Variants in C3orf33 observed in about 807,000 individuals in gnomAD.
C3orf33 encodes AP-1 activity suppressor.
C3orf33 carries 23 observed loss-of-function variants against 28.7 expected under a neutral mutation model. The ratio of observed to expected loss-of-function variants is 0.80; its 90% CI spans 0.58 to 1.13. The LOEUF (loss-of-function observed/expected upper bound fraction) is 1.13, where lower values mean the gene tolerates loss of function less well. Ranked by LOEUF, C3orf33 falls within the 50% of genes most tolerant of loss-of-function variation. The probability of loss-of-function intolerance (pLI) is 0.00; values close to 1 mark genes in which losing one functional copy is unlikely to be tolerated. For missense variants in C3orf33, 327 were observed against 353.4 expected, an observed-to-expected ratio of 0.93 and a Z score of 0.60; for synonymous variants, 119 against 120.5, an observed-to-expected ratio of 0.99 and a Z score of 0.08.
At chr3:155,787,393 AG>A (rs1751154914) in intron 2 of C3orf33, among the ~76,000 whole-genome samples, 1 of 133,922 alleles carries the variant, frequency 7.5e-6, no homozygotes, top group African/African-American at 2.8e-5. Context: ...TCTGTCACCC[AG>A]GCTGGAGTGC....
intron 3 of C3orf33, among the ~76,000 whole-genome samples, chr3:155,770,416 A>G (rs79289972): frequency 0.016 from 2,425 of 152,336 alleles, 29 homozygotes; most frequent in South Asian, 0.04. Context: ...AGCCAAAAAA[A>G]TCCTGTGTCA....
chr3:155,766,727 T>G (rs1466936557), intron 4 of C3orf33, among the ~76,000 whole-genome samples: 1 of 152,206 alleles, frequency 6.6e-6, no homozygotes, highest in Non-Finnish European at 1.5e-5. Context: ...GGCAGGCAGA[T>G]CACCTGAGGT....
Position 155,763,639 on chromosome 3 carries a change from C to T in C3orf33, c.763G>A (p.Glu255Lys), listed in dbSNP as rs779145276. The T allele has an allele frequency of 1.3e-6, 2 of 1,595,290 alleles. No individual in the cohort carries two copies. The highest frequency in any genetic ancestry group is 2.2e-5 in the East Asian group (1 of 44,528). Residue 255 changes from glutamate to lysine, a missense_variant, in exon 5 of 5, where the codon GAA (glutamate) becomes AAA (lysine). By Grantham distance (56) the Glu-to-Lys change is moderately conservative. Transcript: ENST00000340171. ...CTTTTAAGTTTTTCATAATAACTTT[C>T]TTTTTTCAAGCTGAAATCTGATCCT... ...TTGSDFSLKK[E>K]SYYEKLKRTY...
chr3:155,781,534 C>T (rs1372161407), intron 2 of C3orf33, among the ~76,000 whole-genome samples: 2 of 151,936 alleles, frequency 1.3e-5, no homozygotes, highest in African/African-American at 2.4e-5. Context: ...CTTTGGGAGG[C>T]CAAGGCAGGC....
intron 2 of C3orf33, among the ~76,000 whole-genome samples, chr3:155,778,599 A>G (rs1750824884): frequency 6.6e-6 from 1 of 152,222 alleles, no homozygotes; most frequent in African/African-American, 2.4e-5. Context: ...TATTCACTCA[A>G]GAATGTGAAA....
chr3:155,772,110 C>T (rs557710651), intron 3 of C3orf33, among the ~76,000 whole-genome samples: 1 of 152,268 alleles, frequency 6.6e-6, no homozygotes, highest in South Asian at 2.1e-4. Context: ...GAGGCTGAGG[C>T]AAGAGGATAG....
chr3:155,793,809 C>CAAAAAAAA (rs1176317323), intron 2 of C3orf33, among the ~76,000 whole-genome samples: 1 of 37,466 alleles, frequency 2.7e-5, no homozygotes, highest in African/African-American at 7.2e-5. Context: ...GACTCTGACT[C>CAAAAAAAA]AAAAAAAAAA....
intron 2 of C3orf33, among the ~76,000 whole-genome samples, chr3:155,782,842 A>G (rs1006895797): frequency 1.3e-5 from 2 of 152,224 alleles, no homozygotes; most frequent in Non-Finnish European, 1.5e-5. Context: ...ATGAGCAATT[A>G]TAAACACTAA....
rs796325486 is a variant in C3orf33, at chr3:155,769,321, A to C, written c.323-1652T>G. Reference sequence around the variant, plus strand: ...GAGCAAAACTCCCTCTCAAAAAAAAAAAAAAAAAATACAAAAATTAGCTGG... The same window carrying C: ...GAGCAAAACTCCCTCTCAAAAAAAACAAAAAAAAATACAAAAATTAGCTGG... On this transcript the variant is annotated intron_variant, in intron 3 of 4. Transcript: ENST00000340171. 7.2e-3 allele frequency among the ~76,000 whole-genome samples: 1,089 copies of C among 151,494 alleles called. 12 individuals carry two copies. Among genetic ancestry groups the C allele is most frequent in the African/African-American group, 0.022 (902 of 41,324 alleles).
intron 2 of C3orf33, among the ~76,000 whole-genome samples, chr3:155,801,149 C>T (rs952969436): frequency 6.6e-6 from 1 of 151,910 alleles, no homozygotes; most frequent in South Asian, 2.1e-4. Context: ...CCTGTCTCTA[C>T]CAAAAATACA....
At chr3:155,765,676 T>C (rs1023354050) in intron 4 of C3orf33, among the ~76,000 whole-genome samples, 2 of 152,116 alleles carry the variant, frequency 1.3e-5, no homozygotes, top group African/African-American at 4.8e-5. Flanking sequence ...ACCTCCTGAG[T>C]AGCTGGGATT....
chr3:155,763,232 T>G lies in C3orf33; in HGVS notation c.*285A>C, dbSNP rs1577406841. On this transcript the variant is annotated 3_prime_UTR_variant, in exon 5 of 5. Coordinates refer to ENST00000340171, the MANE Select transcript of C3orf33 (RefSeq NM_001308229.2). ...TAAAAACAACATAGTGGGTGAAGAGTTAAACTTTCTCTTCACACATTAGCA... is the reference window on the plus strand; with the variant it reads ...TAAAAACAACATAGTGGGTGAAGAGGTAAACTTTCTCTTCACACATTAGCA... 1 of 221,880 alleles carries G rather than the reference T, an allele frequency of 4.5e-6. No individual in the cohort carries two copies. The highest frequency in any genetic ancestry group is 8.7e-6 in the Non-Finnish European group (1 of 115,278). 13.7% of individuals were successfully genotyped at this position (221,880 alleles called of 1,614,324 possible). A position where few individuals can be genotyped will look rare whatever the true frequency, so the allele number is the denominator to read the frequency against.
chr3:155,781,771 A>G (rs1750932236), intron 2 of C3orf33, among the ~76,000 whole-genome samples: 2 of 143,348 alleles, frequency 1.4e-5, no homozygotes, highest in African/African-American at 5.2e-5. Flanking sequence ...TCTATCTCAA[A>G]AAAAAAAAAA....
At chr3:155,805,623 G>A (rs899405809) in intron 1 of C3orf33, 11 of 454,436 alleles carry the variant, frequency 2.4e-5, no homozygotes, top group Non-Finnish European at 4.4e-5. Flanking sequence ...TCGGGAGGCT[G>A]AAGTGGGAGG....
At chr3:155,801,495 G>C (rs567870771) in intron 2 of C3orf33, among the ~76,000 whole-genome samples, 1 of 152,168 alleles carries the variant, frequency 6.6e-6, no homozygotes, top group East Asian at 1.9e-4. Context: ...CAAATGAACA[G>C]AAAAGCAAAA....
chr3:155,787,632 G>T (rs1372455607), intron 2 of C3orf33, among the ~76,000 whole-genome samples: 1 of 151,502 alleles, frequency 6.6e-6, no homozygotes, highest in Non-Finnish European at 1.5e-5. Context: ...GATTACAGGC[G>T]TGAGCCACTG....
At chr3:155,773,972 T>C (rs1048042009) in intron 3 of C3orf33, among the ~76,000 whole-genome samples, 6 of 152,242 alleles carry the variant, frequency 3.9e-5, no homozygotes, top group Middle Eastern at 3.2e-3. Context: ...GTATCAAGTA[T>C]GTTTGGGGGG....
intron 3 of C3orf33, among the ~76,000 whole-genome samples, chr3:155,772,319 C>T (rs1002169899): frequency 4.6e-5 from 7 of 152,122 alleles, no homozygotes; most frequent in Admixed American, 1.3e-4. Context: ...ATCTAGAAAA[C>T]CTACAGACAT....
In C3orf33 at chr3:155,803,997, G is replaced by A. The variant is rs1008648583; in HGVS notation, c.115-1406C>T. 4.8e-5 allele frequency: 11 copies of A among 229,194 alleles called. No homozygotes were observed. In the East Asian group the frequency reaches 1.9e-3, roughly 39 times the overall value. 14.2% of individuals were successfully genotyped at this position (229,194 alleles called of 1,614,324 possible). A position where few individuals can be genotyped will look rare whatever the true frequency, so the allele number is the denominator to read the frequency against. ...TCGAGACCAGCCTGGCCAACATGGT[G>A]AAACCCCATCTCTACTAAAAATACA... On this transcript the variant is annotated intron_variant, in intron 1 of 4. Transcript: ENST00000340171.
Sources: allele counts gnomAD v4.1 joint callset (sites outside exome capture counted in the v4.1 genomes callset), GRCh38; gene constraint gnomAD v4.1.1; transcripts MANE v1.5; gene names NCBI Gene and HGNC (gene_info 2026-07-23, HGNC 2026-07-21).